The following POR variants were observed in gnomAD, a reference collection of about 807,000 sequenced individuals.
POR encodes NADPH--cytochrome P450 reductase.
Under a neutral mutation model 84.0 loss-of-function variants are expected in POR, and 56 were observed. The ratio of observed to expected loss-of-function variants is 0.67; its 90% CI spans 0.54 to 0.83. POR has a LOEUF of 0.83. Among genes scored for constraint, POR ranks in the 40% least tolerant of loss-of-function variants. The pLI is 0.00. For missense variants in POR, 938 were observed against 944.3 expected, an observed-to-expected ratio of 0.99 and a Z score of 0.09; for synonymous variants, 414 against 400.5, an observed-to-expected ratio of 1.03 and a Z score of -0.40.
At chr7:75,984,982 C>T (rs1585133812) in intron 11 of POR, 24 bp downstream of exon 11, 2 of 1,575,798 alleles carry the variant, frequency 1.3e-6, no homozygotes, top group African/African-American at 1.3e-5. Context: ...GCCCCCGCAA[C>T]CTCCGCCCCG....
intron 1 of POR, among the ~76,000 whole-genome samples, chr7:75,937,576 G>GT (rs1446073731): frequency 2.0e-5 from 3 of 151,328 alleles, no homozygotes; most frequent in Non-Finnish European, 4.4e-5. Flanking sequence ...GAGGTCAGGA[G>GT]TTTGAGACCA....
chr7:75,922,319 GT>G (rs1223302280), intron 1 of POR, among the ~76,000 whole-genome samples: 1,484 of 125,626 alleles, frequency 0.012, 8 homozygotes, highest in African/African-American at 0.033. Flanking sequence ...CTGATCTGTA[GT>G]TTTTTTTTTT....
intron 7 of POR, chr7:75,981,936 T>C (rs1789072426): frequency 1.8e-6 from 1 of 566,066 alleles, no homozygotes; most frequent in East Asian, 3.0e-5. Context: ...GTGCCCTTGA[T>C]GGCCCCTGGG....
chr7:75,954,124 G>C lies in POR; in HGVS notation c.132G>C (p.Trp44Cys), dbSNP rs1210348345. Residue 44 changes from tryptophan (W) to cysteine (C), a missense_variant, in exon 2 of 16, where the codon TGG (tryptophan) becomes TGC (cysteine). Physicochemically the swap from Trp to Cys is radical, Grantham distance 215. Transcript: ENST00000461988. The stretch of plus-strand genomic sequence containing the variant: ...TCATCGTGGGTCTCCTAACCTACTG[G>C]TTCCTCTTCAGAAAGAAAAAAGAAG... 7.4e-6 allele frequency: 12 copies of C among 1,613,240 alleles called. No individual in the cohort carries two copies. The African/African-American group carries it at 1.3e-4, about 18-fold the overall frequency.
chr7:75,919,383 G>A (rs541119572), intron 1 of POR, among the ~76,000 whole-genome samples: 13 of 88,212 alleles, frequency 1.5e-4, no homozygotes, highest in Admixed American at 8.1e-4. Flanking sequence ...CTGTGCGTGC[G>A]TGTGTGTGTG....
At chr7:75,971,457 C>T (rs1232866401) in intron 2 of POR, among the ~76,000 whole-genome samples, 1 of 151,760 alleles carries the variant, frequency 6.6e-6, no homozygotes, top group Non-Finnish European at 1.5e-5. Flanking sequence ...GCCCTGCAGG[C>T]TTGGGGCAAG....
At chr7:75,975,157 A>ATTTT (rs79467024) in intron 3 of POR, among the ~76,000 whole-genome samples, 3 of 150,070 alleles carry the variant, frequency 2.0e-5, no homozygotes, top group African/African-American at 7.3e-5. Context: ...ATATTCCTGT[A>ATTTT]TTTTTTTTTT....
At chr7:75,927,473 CA>C (rs1301534459) in intron 1 of POR, among the ~76,000 whole-genome samples, 1 of 151,152 alleles carries the variant, frequency 6.6e-6, no homozygotes, top group African/African-American at 2.4e-5. Flanking sequence ...AAAACAACAA[CA>C]AAAAAAACCC....
intron 1 of POR, among the ~76,000 whole-genome samples, chr7:75,926,565 G>A (rs893379868): frequency 2.0e-5 from 3 of 152,150 alleles, no homozygotes; most frequent in African/African-American, 7.2e-5. Context: ...GGAGGCCGAG[G>A]CGGGCAGATC....
chr7:75,927,377 G>A (rs564255160), intron 1 of POR, among the ~76,000 whole-genome samples: 1 of 152,018 alleles, frequency 6.6e-6, no homozygotes, highest in East Asian at 1.9e-4. Flanking sequence ...GTGGGTGCCT[G>A]TAGTCCCAGC....
At chr7:75,985,243 G>T in intron 12 of POR, 36 bp downstream of exon 12, 1 of 1,553,362 alleles carries the variant, frequency 6.4e-7, no homozygotes, top group Non-Finnish European at 8.7e-7. Flanking sequence ...CCACACGCTG[G>T]AGGCCCAGCC....
At chr7:75,982,363 G>A in intron 8 of POR, 41 bp downstream of exon 8, 3 of 1,483,978 alleles carry the variant, frequency 2.0e-6, no homozygotes. Flanking sequence ...CGGCTCTATG[G>A]CCACTGGTGC....
chr7:75,971,354 G>A (rs1458187858), intron 2 of POR, among the ~76,000 whole-genome samples: 2 of 152,118 alleles, frequency 1.3e-5, no homozygotes, highest in African/African-American at 4.8e-5. Flanking sequence ...CCACCCAGAG[G>A]AAGGTGTTTC....
At position 75,980,422 on chromosome 7, in the gene POR, C is replaced by T; in HGVS notation, c.450C>T (p.Asp150=). 1 of 1,613,366 alleles carries T rather than the reference C, an allele frequency of 6.2e-7. No individual in the cohort carries two copies. Among genetic ancestry groups the T allele is most frequent in the South Asian group, 1.1e-5 (1 of 91,086 alleles). The change falls in exon 5 of 16, where the codon GAC becomes GAT. Residue 150 remains aspartate, a synonymous_variant. Coordinates refer to ENST00000461988, the MANE Select transcript of POR (RefSeq NM_000941.3). ...CCTACGGTGAGGGAGACCCCACCGA[C>T]AATGCCCAGGACTTCTACGACTGGC...
intron 1 of POR, among the ~76,000 whole-genome samples, chr7:75,946,477 G>A (rs564244670): frequency 2.6e-4 from 40 of 152,186 alleles, no homozygotes; most frequent in African/African-American, 9.2e-4. Flanking sequence ...TGGTAGAAGT[G>A]GGGTTTTGCC....
At chr7:75,937,083 T>A (rs1413536571) in intron 1 of POR, among the ~76,000 whole-genome samples, 1 of 151,584 alleles carries the variant, frequency 6.6e-6, no homozygotes, top group Non-Finnish European at 1.5e-5. Flanking sequence ...TGCCTCGGAC[T>A]CCCAAAGTGC....
intron 1 of POR, among the ~76,000 whole-genome samples, chr7:75,931,783 A>G (rs1807434592): frequency 6.6e-6 from 1 of 151,756 alleles, no homozygotes; most frequent in Non-Finnish European, 1.5e-5. Flanking sequence ...CTCCTTAACC[A>G]CTACCAGACT....
chr7:75,981,010 G>T, intron 5 of POR, 38 bp from the exon 6 acceptor site: 1 of 1,531,368 alleles, frequency 6.5e-7, no homozygotes, highest in South Asian at 1.2e-5. Flanking sequence ...TGGTCAGGTC[G>T]AGGGCCAGGC....
intron 2 of POR, among the ~76,000 whole-genome samples, chr7:75,963,507 T>C (rs1333883041): frequency 6.6e-6 from 1 of 152,240 alleles, no homozygotes; most frequent in Non-Finnish European, 1.5e-5. Context: ...TGTCGGGAAC[T>C]GTCGGGTACT....
Sources: gnomAD v4.1 joint callset for allele counts (sites outside exome capture counted in the v4.1 genomes callset) on GRCh38, gnomAD v4.1.1 for gene constraint, MANE v1.5 for transcripts, NCBI Gene and HGNC (gene_info 2026-07-23, HGNC 2026-07-21) for gene names.